The following WWOX variants were observed in gnomAD, a reference collection of about 807,000 sequenced individuals.
The protein encoded by WWOX is WW domain containing oxidoreductase, also known as WW domain-containing oxidoreductase.
A neutral mutation model predicts 46.2 loss-of-function variants in WWOX; 69 were observed. The observed-to-expected ratio is 1.49, with a 90% confidence interval of 1.23 to 1.82. WWOX has a LOEUF of 1.82. Among genes scored for constraint, WWOX ranks in the 40% most tolerant of loss-of-function variants. WWOX has a pLI of 0.00. For missense variants in WWOX, 919 were observed against 542.6 expected (o/e 1.69, Z -6.89); for synonymous variants, 359 against 202.6 (o/e 1.77, Z -6.56).
At chr16:78,846,643 C>T (rs1261996710) in intron 8 of WWOX, among the ~76,000 whole-genome samples, 1 of 152,064 alleles carries the variant, frequency 6.6e-6, no homozygotes, top group African/African-American at 2.4e-5. Context: ...TTAGCCTTGA[C>T]CTCTCGGTTA....
rs4888861 is a variant in WWOX at position 78,842,247 on chromosome 16, C to T, written c.1057-369361C>T. ...AGTGGCTCTCTCCTGTAATCTCAGC[C>T]CTTTTAGAAGCTGAGGCAGGAGGAT... On this transcript the variant is annotated intron_variant, in intron 8 of 8. Coordinates refer to ENST00000566780, the MANE Select transcript of WWOX (RefSeq NM_016373.4). 5.3e-5 allele frequency among the ~76,000 whole-genome samples: 8 copies of T among 151,742 alleles called. No homozygotes were observed. The East Asian group carries it at 1.4e-3, about 26-fold the overall frequency.
At chr16:78,547,197 C>T (rs935192078) in intron 8 of WWOX, among the ~76,000 whole-genome samples, 1 of 145,836 alleles carries the variant, frequency 6.9e-6, no homozygotes, top group Non-Finnish European at 1.5e-5. Flanking sequence ...CCAGTTTCAA[C>T]CCACGGGGAT....
At chr16:78,774,152 C>A (rs537803428) in intron 8 of WWOX, among the ~76,000 whole-genome samples, 7 of 152,238 alleles carry the variant, frequency 4.6e-5, no homozygotes, top group African/African-American at 7.2e-5. Context: ...CCTGCAATCC[C>A]AGTACTTTGG....
At chr16:78,904,904 A>C (rs1052414438) in intron 8 of WWOX, among the ~76,000 whole-genome samples, 6 of 152,154 alleles carry the variant, frequency 3.9e-5, no homozygotes, top group Non-Finnish European at 7.4e-5. Context: ...TTTTATTGGT[A>C]TTACATTCCT....
chr16:79,209,758 C>G (rs1262213453), intron 8 of WWOX, among the ~76,000 whole-genome samples: 1 of 152,210 alleles, frequency 6.6e-6, no homozygotes, highest in Non-Finnish European at 1.5e-5. Context: ...TTTAGAGGCA[C>G]TTCTGCTTCC....
intron 8 of WWOX, among the ~76,000 whole-genome samples, chr16:78,887,561 G>T (rs72804719): frequency 0.4 from 59,408 of 149,396 alleles, 12,794 homozygotes; most frequent in East Asian, 0.49. Context: ...CAAAACACTT[G>T]AATCATTTTC....
At chr16:78,760,886 G>A (rs2049775807) in intron 8 of WWOX, among the ~76,000 whole-genome samples, 2 of 152,184 alleles carry the variant, frequency 1.3e-5, no homozygotes, top group Admixed American at 1.3e-4. Flanking sequence ...CAATCATAAT[G>A]GAAGGGGAAA....
At chr16:78,142,709 T>C (rs748981726) in intron 4 of WWOX, among the ~76,000 whole-genome samples, 10 of 152,242 alleles carry the variant, frequency 6.6e-5, no homozygotes, top group Non-Finnish European at 1.2e-4. Flanking sequence ...CTCTTGACTG[T>C]AATGGAGGTT....
At chr16:78,493,538 T>G (rs1305873403) in intron 8 of WWOX, among the ~76,000 whole-genome samples, 2 of 152,234 alleles carry the variant, frequency 1.3e-5, no homozygotes, top group Admixed American at 1.3e-4. Flanking sequence ...CTGAGTTCTT[T>G]ATAAAATATC....
In WWOX at chr16:79,211,743, T is replaced by A. The variant is rs754922819; in HGVS notation, c.1192T>A (p.Trp398Arg). ...AQSEETARTL[W>R]ALSERLIQER... ...GAGCGAAGAGACGGCCCGGACCCTG[T>A]GGGCGCTCAGCGAGAGGCTGATCCA... Residue 398 changes from tryptophan to arginine, a missense_variant, in exon 9 of 9, where the codon TGG becomes AGG. Transcript: ENST00000566780. 5 of 1,614,184 alleles carry A rather than the reference T, an allele frequency of 3.1e-6. No individual in the cohort carries two copies. Among genetic ancestry groups the A allele is most frequent in the Non-Finnish European group, 8.5e-7 (1 of 1,180,028 alleles).
intron 8 of WWOX, among the ~76,000 whole-genome samples, chr16:79,034,697 C>G (rs1160671554): frequency 2.0e-5 from 3 of 151,168 alleles, no homozygotes; most frequent in Non-Finnish European, 4.4e-5. Flanking sequence ...TTTCAAAGCA[C>G]TTAATTATTT....
At chr16:78,879,444 A>G (rs891217284) in intron 8 of WWOX, among the ~76,000 whole-genome samples, 1 of 152,052 alleles carries the variant, frequency 6.6e-6, no homozygotes, top group Non-Finnish European at 1.5e-5. Context: ...ATACTTTTTC[A>G]GGATCTGCTC....
At chr16:78,503,754 G>C (rs2085127148) in intron 8 of WWOX, 1 of 152,216 alleles carries the variant, frequency 6.6e-6, no homozygotes, top group Non-Finnish European at 1.5e-5. Context: ...CCAGAAACTA[G>C]AAGGCCTGCG....
At chr16:78,440,171 T>C (rs1164213086) in intron 8 of WWOX, among the ~76,000 whole-genome samples, 1 of 152,212 alleles carries the variant, frequency 6.6e-6, no homozygotes, top group African/African-American at 2.4e-5. Context: ...CATATTTTAA[T>C]AGTTTTCTCA....
intron 8 of WWOX, among the ~76,000 whole-genome samples, chr16:78,761,776 G>C (rs12596114): frequency 0.55 from 83,306 of 152,058 alleles, 26,773 homozygotes; most frequent in Non-Finnish European, 0.72. Context: ...TAACCCCTTG[G>C]TGTGAGGAGA....
chr16:79,175,085 A>G (rs1004397570), intron 8 of WWOX, among the ~76,000 whole-genome samples: 6 of 152,188 alleles, frequency 3.9e-5, no homozygotes, highest in Non-Finnish European at 8.8e-5. Flanking sequence ...AACTGTGCAG[A>G]TCACTTCTCT....
intron 8 of WWOX, among the ~76,000 whole-genome samples, chr16:78,629,867 T>C (rs2046387976): frequency 6.6e-6 from 1 of 152,252 alleles, no homozygotes; most frequent in African/African-American, 2.4e-5. Context: ...AATTGAGTTT[T>C]AGTTTTTAGA....
chr16:79,000,999 A>G (rs2151361923), intron 8 of WWOX, among the ~76,000 whole-genome samples: 1 of 152,316 alleles, frequency 6.6e-6, no homozygotes, highest in South Asian at 2.1e-4. Flanking sequence ...CTGGGGTCCA[A>G]GAAGAGCTCA....
intron 5 of WWOX, among the ~76,000 whole-genome samples, chr16:78,261,794 A>ATAT (rs1567464730): frequency 1.5e-5 from 1 of 66,152 alleles, no homozygotes; most frequent in Non-Finnish European, 3.0e-5. Context: ...CTATCTATAT[A>ATAT]TATATATATA....
Sources: gnomAD v4.1 joint callset for allele counts (sites outside exome capture counted in the v4.1 genomes callset) on GRCh38, gnomAD v4.1.1 for gene constraint, MANE v1.5 for transcripts, NCBI Gene and HGNC (gene_info 2026-07-23, HGNC 2026-07-21) for gene names.